Variants in PPARA observed in about 807,000 individuals in gnomAD.
PPARA encodes peroxisome proliferator activated receptor alpha.
In PPARA, 22 loss-of-function variants were observed where a neutral mutation model predicts 42.2. The ratio of observed to expected loss-of-function variants is 0.52; its 90% CI spans 0.37 to 0.74. PPARA has a LOEUF of 0.74. PPARA is among the 30% of genes least tolerant of loss of function. PPARA has a pLI of 0.00. For missense variants in PPARA, 465 were observed against 608.2 expected, an observed-to-expected ratio of 0.76 and a Z score of 2.48; for synonymous variants, 242 against 239.3, an observed-to-expected ratio of 1.01 and a Z score of -0.10.
At chr22:46,152,073 T>G (rs1924517544) in intron 2 of PPARA, 103 bp downstream of exon 2, 1 of 152,190 alleles carries the variant, frequency 6.6e-6, no homozygotes, top group Non-Finnish European at 1.5e-5. Flanking sequence ...GGTTATTACT[T>G]TGTGATGCAA....
intron 3 of PPARA, among the ~76,000 whole-genome samples, chr22:46,198,121 C>T (rs1488404075): frequency 6.7e-6 from 1 of 148,462 alleles, no homozygotes. Context: ...GCCTGTAGTC[C>T]CAGCTACTCA....
intron 7 of PPARA, among the ~76,000 whole-genome samples, chr22:46,226,312 A>G (rs1212902037): frequency 1.3e-5 from 2 of 152,232 alleles, no homozygotes; most frequent in African/African-American, 2.4e-5. Flanking sequence ...CTTCCAAAAA[A>G]TGAGTGTGGT....
At chr22:46,207,725 C>A (rs1430906230) in intron 4 of PPARA, among the ~76,000 whole-genome samples, 1 of 124,552 alleles carries the variant, frequency 8.0e-6, no homozygotes, top group Non-Finnish European at 1.6e-5. Context: ...GCGCTGATGC[C>A]GAGGCTGGAG....
rs1364075803 is a variant in PPARA at position 46,196,649 on chromosome 22, C to T, written c.-42-1693C>T. Among the ~76,000 whole-genome samples the T allele has an allele frequency of 6.6e-6, 1 of 152,226 alleles. No homozygotes were observed. The highest frequency in any genetic ancestry group is 1.5e-5 in the Non-Finnish European group (1 of 68,046). ...ACCCCGGACACTCCACACGTGCATT[C>T]ATTTCGTTGTTCACCATCTGTGTCC... On this transcript the variant is annotated intron_variant, in intron 3 of 8. Transcript: ENST00000407236. This position sits in a 1 kb window ranked among gnomAD's most constrained non-coding sequence, Gnocchi z 5.6.
At chr22:46,209,315 T>G (rs1427889048) in intron 4 of PPARA, among the ~76,000 whole-genome samples, 2 of 152,188 alleles carry the variant, frequency 1.3e-5, no homozygotes, top group East Asian at 3.8e-4. Context: ...TCCTTTATGC[T>G]CCTTGTGCTT....
intron 2 of PPARA, among the ~76,000 whole-genome samples, chr22:46,170,739 G>A (rs984547463): frequency 4.0e-5 from 6 of 151,766 alleles, no homozygotes; most frequent in Non-Finnish European, 8.8e-5. Flanking sequence ...GAGAGTTGTC[G>A]TGATTCAGAG....
At position 46,193,750 on chromosome 22, in the gene PPARA, C is replaced by T. The variant is rs1269375584; in HGVS notation, c.-42-4592C>T. Among the ~76,000 whole-genome samples the T allele has an allele frequency of 6.6e-6, 1 of 152,190 alleles. No individual in the cohort carries two copies. The highest frequency in any genetic ancestry group is 2.4e-5 in the African/African-American group (1 of 41,442). ...CCCTACCTTTTCCCAACACCCTATC[C>T]ACCTGTCCCTCACCTCTCAGCTTTT... On this transcript the variant is annotated intron_variant, in intron 3 of 8. Coordinates refer to ENST00000407236, the MANE Select transcript of PPARA (RefSeq NM_005036.6). The surrounding 1 kb of genome is among the most constrained non-coding windows in gnomAD (Gnocchi z 5.3).
intron 7 of PPARA, among the ~76,000 whole-genome samples, chr22:46,228,447 A>T (rs931241394): frequency 2.6e-5 from 4 of 152,058 alleles, no homozygotes; most frequent in African/African-American, 9.7e-5. Context: ...GAGGCAGGAG[A>T]ATCACTCAAA....
chr22:46,168,268 C>T (rs1378749042), intron 2 of PPARA, among the ~76,000 whole-genome samples: 2 of 134,330 alleles, frequency 1.5e-5, no homozygotes, highest in East Asian at 2.4e-4. Flanking sequence ...AGGAGAATGG[C>T]GTGAACCTGG....
chr22:46,152,918 C>G (rs1924666053), intron 2 of PPARA, among the ~76,000 whole-genome samples: 4 of 152,062 alleles, frequency 2.6e-5, no homozygotes, highest in Admixed American at 2.6e-4. Flanking sequence ...AACCTTGTCT[C>G]TACAAAAAAA....
In PPARA at chr22:46,200,959, A is replaced by C. The variant is rs1189444947; in HGVS notation, c.208+2368A>C. Among the ~76,000 whole-genome samples the C allele has an allele frequency of 6.6e-6, 1 of 151,874 alleles. No homozygotes were observed. The highest frequency in any genetic ancestry group is 1.5e-5 in the Non-Finnish European group (1 of 67,960). ...TGGGGCGTGGTGGCTCATGCCTGTA[A>C]TCCCAGCACTTTGGGAGGCTGAGGC... On this transcript the variant is annotated intron_variant, in intron 4 of 8. Coordinates refer to ENST00000407236, the MANE Select transcript of PPARA (RefSeq NM_005036.6). The surrounding 1 kb of genome is among the most constrained non-coding windows in gnomAD (Gnocchi z 4.8).
Position 46,191,660 on chromosome 22 carries a change from G to A in PPARA, c.-42-6682G>A, listed in dbSNP as rs1403441424. 3.3e-5 allele frequency among the ~76,000 whole-genome samples: 5 copies of A among 152,144 alleles called. No homozygotes were observed. The highest frequency in any genetic ancestry group is 7.3e-5 in the Non-Finnish European group (5 of 68,032). On this transcript the variant is annotated intron_variant, in intron 3 of 8. Coordinates refer to ENST00000407236, the MANE Select transcript of PPARA (RefSeq NM_005036.6). This position sits in a 1 kb window ranked among gnomAD's most constrained non-coding sequence, Gnocchi z 4.6. ...CTGTGTGTGCCGCTTTGCCCTCTGGGTGACAGCAGGCTGTGGCTGCGGCGA... is the reference window on the plus strand; with the variant it reads ...CTGTGTGTGCCGCTTTGCCCTCTGGATGACAGCAGGCTGTGGCTGCGGCGA...
At chr22:46,197,205 A>G (rs918221056) in intron 3 of PPARA, among the ~76,000 whole-genome samples, 14 of 152,008 alleles carry the variant, frequency 9.2e-5, no homozygotes, top group Non-Finnish European at 1.3e-4. Context: ...ACATGCCACC[A>G]CACCCAGCTA....
At chr22:46,215,079 A>G in intron 4 of PPARA, 94 bp from the exon 5 acceptor site, 1 of 1,496,512 alleles carries the variant, frequency 6.7e-7, no homozygotes, top group Non-Finnish European at 9.3e-7. Context: ...CAGCACTAGA[A>G]GCCTCGTATG....
chr22:46,213,194 G>T (rs985771111), intron 4 of PPARA, among the ~76,000 whole-genome samples: 2 of 152,098 alleles, frequency 1.3e-5, no homozygotes, highest in Non-Finnish European at 2.9e-5. Flanking sequence ...GGTTCCTGTT[G>T]CTCCACATCC....
rs561675914 is a variant in PPARA, at chr22:46,180,831, T to A, written c.-43+3995T>A. On this transcript the variant is annotated intron_variant, in intron 3 of 8. Transcript: ENST00000407236. The surrounding 1 kb of genome is among the most constrained non-coding windows in gnomAD (Gnocchi z 4.2). ...CTCGTCCGGGATTGGAGATGGCAGA[T>A]TTTCTGTCTCCCTTGCCTGTGGAAC... Among the ~76,000 whole-genome samples, 25 of 152,194 alleles carry A rather than the reference T, an allele frequency of 1.6e-4. No homozygotes were observed. The South Asian group carries it at 5.0e-3, about 30-fold the overall frequency.
At chr22:46,207,280 T>G (rs1223310979) in intron 4 of PPARA, among the ~76,000 whole-genome samples, 7 of 85,862 alleles carry the variant, frequency 8.2e-5, no homozygotes, top group African/African-American at 3.3e-4. Context: ...ATTGGCAATT[T>G]TTTTTTTTTT....
At chr22:46,218,443 A>C in intron 6 of PPARA, 42 bp downstream of exon 6, 6 of 1,613,034 alleles carry the variant, frequency 3.7e-6, no homozygotes, top group Non-Finnish European at 5.1e-6. Context: ...TTCGTTCCTC[A>C]GTTCCCCTTC....
intron 4 of PPARA, among the ~76,000 whole-genome samples, chr22:46,201,011 A>G (rs1932807736): frequency 6.6e-6 from 1 of 151,878 alleles, no homozygotes; most frequent in African/African-American, 2.4e-5. Context: ...GTCAGGAGTT[A>G]AAGACCAGCC....
Sources: allele counts gnomAD v4.1 joint callset (sites outside exome capture counted in the v4.1 genomes callset), GRCh38; gene constraint gnomAD v4.1.1; non-coding constraint Gnocchi (gnomAD v3.1); transcripts MANE v1.5; gene names NCBI Gene and HGNC (gene_info 2026-07-23, HGNC 2026-07-21).